The following FBXL7 variants were observed in gnomAD, a reference collection of about 807,000 sequenced individuals.
FBXL7 encodes F-box/LRR-repeat protein 7.
In FBXL7, 12 loss-of-function variants were observed where a neutral mutation model predicts 38.3. The observed-to-expected ratio is 0.31, with a 90% CI of 0.20 to 0.51. FBXL7 has a LOEUF of 0.51. Among genes scored for constraint, FBXL7 ranks in the 20% least tolerant of loss-of-function variants. FBXL7 has a pLI of 0.98. For missense variants in FBXL7, 567 were observed against 676.4 expected (o/e 0.84, Z 1.79); for synonymous variants, 297 against 300.9 (o/e 0.99, Z 0.13).
At chr5:15,781,592 T>C (rs1736994621) in intron 2 of FBXL7, among the ~76,000 whole-genome samples, 1 of 152,166 alleles carries the variant, frequency 6.6e-6, no homozygotes. Context: ...TCTGGAGATT[T>C]CTTTAGAAGA....
At chr5:15,594,441 A>C (rs932987502) in intron 1 of FBXL7, among the ~76,000 whole-genome samples, 5 of 151,300 alleles carry the variant, frequency 3.3e-5, no homozygotes, top group African/African-American at 1.2e-4. Flanking sequence ...TAAGGGAGGT[A>C]TATTTTGCGT....
chr5:15,691,043 C>T (rs1302291661), intron 2 of FBXL7, among the ~76,000 whole-genome samples: 1 of 152,176 alleles, frequency 6.6e-6, no homozygotes, highest in African/African-American at 2.4e-5. Context: ...GGAATGTTTC[C>T]TGTATGTGAC....
At chr5:15,620,666 A>G (rs1041966204) in intron 2 of FBXL7, among the ~76,000 whole-genome samples, 16 of 151,520 alleles carry the variant, frequency 1.1e-4, no homozygotes, top group African/African-American at 3.9e-4. Context: ...TGGCCCCAAA[A>G]CTCTCCTCAG....
intron 1 of FBXL7, among the ~76,000 whole-genome samples, chr5:15,606,305 ACAC>A (rs781125109): frequency 2.6e-5 from 4 of 152,150 alleles, no homozygotes; most frequent in Non-Finnish European, 5.9e-5. Context: ...ACACACACAC[ACAC>A]AATGTACATG....
chr5:15,724,234 T>C (rs548811930), intron 2 of FBXL7, among the ~76,000 whole-genome samples: 11 of 152,310 alleles, frequency 7.2e-5, no homozygotes, highest in Middle Eastern at 3.4e-3. Context: ...TGTAATCTTA[T>C]AGTGCTTAAA....
chr5:15,564,963 A>C (rs1738523716), intron 1 of FBXL7, among the ~76,000 whole-genome samples: 1 of 152,120 alleles, frequency 6.6e-6, no homozygotes, highest in South Asian at 2.1e-4. Flanking sequence ...GCTACAATGT[A>C]TTTGTGTCTT....
At chr5:15,887,034 C>T (rs919903430) in intron 2 of FBXL7, among the ~76,000 whole-genome samples, 3 of 152,120 alleles carry the variant, frequency 2.0e-5, no homozygotes, top group African/African-American at 7.2e-5. Flanking sequence ...AGGAGACAGA[C>T]AAATTGCTTT....
intron 2 of FBXL7, among the ~76,000 whole-genome samples, chr5:15,864,458 A>G (rs1739619218): frequency 6.6e-6 from 1 of 151,796 alleles, no homozygotes; most frequent in Non-Finnish European, 1.5e-5. Flanking sequence ...AGCAATCCAA[A>G]TGGACTAAGA....
At chr5:15,643,783 A>G (rs1379887521) in intron 2 of FBXL7, among the ~76,000 whole-genome samples, 4 of 152,168 alleles carry the variant, frequency 2.6e-5, no homozygotes, top group Admixed American at 2.6e-4. Flanking sequence ...CATTGGAAAA[A>G]AGCATCTCTT....
chr5:15,726,011 A>G (rs182241334), intron 2 of FBXL7, among the ~76,000 whole-genome samples: 1 of 152,278 alleles, frequency 6.6e-6, no homozygotes, highest in East Asian at 1.9e-4. Flanking sequence ...TCTGTCTTCA[A>G]TTCTGACAGT....
chr5:15,906,434 G>A (rs1288838380), intron 2 of FBXL7, among the ~76,000 whole-genome samples: 14 of 74,968 alleles, frequency 1.9e-4, no homozygotes, highest in Admixed American at 1.6e-3. Flanking sequence ...TGACCTAGAA[G>A]GATTTTTTTT....
chr5:15,880,644 GCAAA>G (rs957146604), intron 2 of FBXL7, among the ~76,000 whole-genome samples: 60 of 150,336 alleles, frequency 4.0e-4, no homozygotes, highest in African/African-American at 1.4e-3. Flanking sequence ...ACAATGGATT[GCAAA>G]CAAAAAACCT....
chr5:15,848,177 G>C (rs1165161909), intron 2 of FBXL7, among the ~76,000 whole-genome samples: 1 of 152,074 alleles, frequency 6.6e-6, no homozygotes, highest in East Asian at 1.9e-4. Context: ...AGTGTACATT[G>C]TTGTATGTAC....
chr5:15,804,283 C>A (rs1737647010), intron 2 of FBXL7, among the ~76,000 whole-genome samples: 1 of 151,972 alleles, frequency 6.6e-6, no homozygotes, highest in East Asian at 1.9e-4. Context: ...GCCTGGACAA[C>A]ACAGAGAGAC....
At chr5:15,686,167 C>T (rs1743011559) in intron 2 of FBXL7, among the ~76,000 whole-genome samples, 1 of 152,164 alleles carries the variant, frequency 6.6e-6, no homozygotes, top group Non-Finnish European at 1.5e-5. Flanking sequence ...ACTTTGTTTA[C>T]TATTCATCTG....
intron 3 of FBXL7, among the ~76,000 whole-genome samples, chr5:15,931,705 A>C (rs1023417996): frequency 1.3e-5 from 2 of 152,138 alleles, no homozygotes; most frequent in Non-Finnish European, 2.9e-5. Context: ...CATACACGCA[A>C]TGCTCCCTTC....
chr5:15,572,725 G>C (rs760344359), intron 1 of FBXL7, among the ~76,000 whole-genome samples: 1 of 152,136 alleles, frequency 6.6e-6, no homozygotes, highest in African/African-American at 2.4e-5. Context: ...CAGAAAGCAG[G>C]TTGCTTAAAG....
At position 15,937,305 on chromosome 5, in the gene FBXL7, A is replaced by G. The variant is rs1742225151; in HGVS notation, c.*119A>G. ...AACAGCTCTTTCTTCCGGGAAGGTT[A>G]TTAGGAATCTGGCCTTTATTTTTCC... is the stretch of plus-strand genomic sequence containing the variant. On this transcript the variant is annotated 3_prime_UTR_variant, in exon 4 of 4. Transcript: ENST00000504595. 1 of 1,247,388 alleles carries G rather than the reference A, an allele frequency of 8.0e-7. No individual in the cohort carries two copies. Among genetic ancestry groups the G allele is most frequent in the South Asian group, 1.6e-5 (1 of 61,412 alleles). The allele number at this position is 1,247,388 out of a possible 1,614,324, so 77.3% of individuals were successfully genotyped here.
At chr5:15,906,616 C>T (rs1741374963) in intron 2 of FBXL7, among the ~76,000 whole-genome samples, 1 of 135,410 alleles carries the variant, frequency 7.4e-6, no homozygotes, top group Admixed American at 7.5e-5. Flanking sequence ...GCTGCACCCA[C>T]TAATGTGTCA....
Sources: allele counts gnomAD v4.1 joint callset (sites outside exome capture counted in the v4.1 genomes callset), GRCh38; gene constraint gnomAD v4.1.1; transcripts MANE v1.5; gene names NCBI Gene and HGNC (gene_info 2026-07-23, HGNC 2026-07-21).